The following FER variants were observed in gnomAD, a reference collection of about 807,000 sequenced individuals.
The protein encoded by FER is tyrosine-protein kinase Fer.
A neutral mutation model predicts 111.0 loss-of-function variants in FER; 63 were observed. The observed-to-expected ratio is 0.57, with a 90% CI of 0.46 to 0.70. FER has a LOEUF of 0.70. Among genes scored for constraint, FER ranks in the 30% least tolerant of loss-of-function variants. FER has a pLI of 0.00. For missense variants in FER, 914 were observed against 954.0 expected (o/e 0.96, Z 0.55); for synonymous variants, 327 against 313.9 (o/e 1.04, Z -0.44).
chr5:109,100,245 T>C, intron 16 of FER, 151 bp from the exon 17 acceptor site: 2 of 767,916 alleles, frequency 2.6e-6, no homozygotes, highest in Non-Finnish European at 4.2e-6. Context: ...TCATGTTTTC[T>C]GTTATCCTCA....
In FER at chr5:109,044,692, G is replaced by A; in HGVS notation, c.1726G>A (p.Glu576Lys). The A allele has an allele frequency of 6.5e-7, 1 of 1,531,600 alleles. No homozygotes were observed. Among genetic ancestry groups the A allele is most frequent in the South Asian group, 1.3e-5 (1 of 78,356 alleles). The allele number at this position is 1,531,600 out of a possible 1,614,324, so 94.9% of individuals were successfully genotyped here. A position where few individuals can be genotyped will look rare whatever the true frequency, so the allele number is the denominator to read the frequency against. The change falls in exon 15 of 20, where the codon GAA becomes AAA. Residue 576 changes from glutamate (E) to lysine (K), a missense_variant. Glu to Lys is a moderately conservative substitution (Grantham distance 56). Transcript: ENST00000281092. ...GELLGKGNFG[E>K]VYKGTLKDKT... ...TTTCTATTTTCAGGGAAATTTTGGT[G>A]AAGTATATAAGGGCACATTAAAGGA...
chr5:109,159,276 A>G (rs1461797356), intron 17 of FER, among the ~76,000 whole-genome samples: 2 of 152,164 alleles, frequency 1.3e-5, no homozygotes, highest in African/African-American at 4.8e-5. Flanking sequence ...CAAGCGGCTC[A>G]ACTTAGTCTT....
chr5:109,098,309 G>T (rs1420876798), intron 16 of FER, among the ~76,000 whole-genome samples: 3 of 151,784 alleles, frequency 2.0e-5, no homozygotes, highest in African/African-American at 7.2e-5. Flanking sequence ...ACAAATGTGT[G>T]TTGGGAGTAC....
intron 13 of FER, among the ~76,000 whole-genome samples, chr5:108,988,716 C>T (rs11956908): frequency 0.13 from 19,209 of 151,986 alleles, 1,270 homozygotes; most frequent in Middle Eastern, 0.16. Context: ...TCAATTTTAT[C>T]TATCTTTTCA....
intron 12 of FER, among the ~76,000 whole-genome samples, chr5:108,956,977 T>C (rs1758510734): frequency 6.6e-6 from 1 of 151,618 alleles, no homozygotes; most frequent in Admixed American, 6.6e-5. Flanking sequence ...AGTGTTCCAA[T>C]AGAAGAGGTT....
intron 18 of FER, 142 bp downstream of exon 18, chr5:109,181,043 TTTTAA>T: frequency 1.6e-6 from 1 of 642,898 alleles, no homozygotes; most frequent in Non-Finnish European, 2.4e-6. Flanking sequence ...AATTTCATAC[TTTTAA>T]TTTGTTGAAA....
In FER at chr5:109,019,041, G is replaced by T. The variant is rs193028004; in HGVS notation, c.1657-18381G>T. On this transcript the variant is annotated intron_variant, in intron 13 of 19. Transcript: ENST00000281092. ...ACCATAATATCCTAATAATTCAAAA[G>T]ATACAAGCAGAAACCAGGCACAAGT... is the stretch of plus-strand genomic sequence containing the variant. 2.0e-3 allele frequency among the ~76,000 whole-genome samples: 307 copies of T among 151,372 alleles called. 1 individual carries two copies. The highest frequency in any genetic ancestry group is 7.0e-3 in the African/African-American group (290 of 41,398).
chr5:108,934,471 A>G (rs1755167475), intron 10 of FER, among the ~76,000 whole-genome samples: 1 of 152,176 alleles, frequency 6.6e-6, no homozygotes, highest in African/African-American at 2.4e-5. Flanking sequence ...CTTTTTAGTA[A>G]TGCCCTATTT....
intron 8 of FER, among the ~76,000 whole-genome samples, chr5:108,877,101 A>G (rs947636723): frequency 6.6e-6 from 1 of 152,126 alleles, no homozygotes; most frequent in Non-Finnish European, 1.5e-5. Flanking sequence ...AACCCATCCA[A>G]CTATCTGAAT....
chr5:108,836,751 A>T (rs1224266568), intron 5 of FER, among the ~76,000 whole-genome samples: 1 of 152,234 alleles, frequency 6.6e-6, no homozygotes, highest in Non-Finnish European at 1.5e-5. Context: ...ACTAGAAGTG[A>T]TACTGATTTA....
Position 109,051,676 on chromosome 5 carries a change from G to T in FER, c.1924+4478G>T. 3 of 1,574,428 alleles carry T rather than the reference G, an allele frequency of 1.9e-6. No homozygotes were observed. The East Asian group carries it at 6.7e-5, about 35-fold the overall frequency. ...GCCATTGAAATAAGCATATTTTTGA[G>T]ACCCACAGTCTTTGGCGGGGCTCAG... On this transcript the variant is annotated intron_variant, in intron 16 of 19. Coordinates refer to ENST00000281092, the MANE Select transcript of FER (RefSeq NM_005246.4).
chr5:108,758,653 C>T (rs1201837073), intron 1 of FER, among the ~76,000 whole-genome samples: 1 of 152,182 alleles, frequency 6.6e-6, no homozygotes, highest in African/African-American at 2.4e-5. Flanking sequence ...ATTTCCCCAT[C>T]CCTGATCCCA....
intron 13 of FER, among the ~76,000 whole-genome samples, chr5:108,996,816 G>C (rs1764042834): frequency 6.6e-6 from 1 of 152,178 alleles, no homozygotes; most frequent in Non-Finnish European, 1.5e-5. Context: ...GTGGTCACTT[G>C]ATGGGGATAG....
At chr5:108,795,733 G>A (rs1019684050) in intron 2 of FER, among the ~76,000 whole-genome samples, 2 of 151,940 alleles carry the variant, frequency 1.3e-5, no homozygotes, top group African/African-American at 4.8e-5. Context: ...CAATCTCCTT[G>A]TTAAATTTAT....
At chr5:109,030,047 A>G (rs889974346) in intron 13 of FER, among the ~76,000 whole-genome samples, 5 of 151,944 alleles carry the variant, frequency 3.3e-5, no homozygotes, top group African/African-American at 4.8e-5. Context: ...TGGGTAATCT[A>G]TTGATCTGTC....
intron 13 of FER, among the ~76,000 whole-genome samples, chr5:109,005,023 C>T (rs1270081411): frequency 1.3e-5 from 2 of 151,866 alleles, no homozygotes; most frequent in Non-Finnish European, 1.5e-5. Flanking sequence ...GGAAACTAGC[C>T]ACAGTAGGAA....
chr5:109,123,154 C>CTTTTT (rs1582133863), intron 17 of FER, among the ~76,000 whole-genome samples: 2 of 118,688 alleles, frequency 1.7e-5, no homozygotes, highest in Non-Finnish European at 1.8e-5. Context: ...TCCTTCCTGT[C>CTTTTT]TTGTTTTTTT....
intron 17 of FER, among the ~76,000 whole-genome samples, chr5:109,175,844 T>C (rs982639846): frequency 9.9e-5 from 15 of 152,190 alleles, no homozygotes; most frequent in African/African-American, 3.6e-4. Context: ...CCAGGTGCGG[T>C]GGCTCACACC....
rs1235535446 is a variant in FER at position 108,954,728 on chromosome 5, G to C, written c.1330-1G>C. 1 of 1,518,264 alleles carries C rather than the reference G, an allele frequency of 6.6e-7. No homozygotes were observed. The highest frequency in any genetic ancestry group is 1.4e-5 in the African/African-American group (1 of 70,746). The allele number at this position is 1,518,264 out of a possible 1,614,324, so 94.0% of individuals were successfully genotyped here. ...TTTTTTTTTTTTAATATTTGTTTAA[G>C]CTTTCTGATATGATCTCCATCAGTG... On this transcript the variant is annotated splice_acceptor_variant, in intron 11 of 19. Coordinates refer to ENST00000281092, the MANE Select transcript of FER (RefSeq NM_005246.4). LOFTEE classifies it high-confidence loss of function.
Sources: allele counts gnomAD v4.1 joint callset (sites outside exome capture counted in the v4.1 genomes callset), GRCh38; gene constraint gnomAD v4.1.1; transcripts MANE v1.5; gene names NCBI Gene and HGNC (gene_info 2026-07-23, HGNC 2026-07-21).